TMEM178B: variants seen among roughly 807,000 people sequenced by gnomAD.
The protein encoded by TMEM178B is transmembrane protein 178B.
TMEM178B carries 5 observed loss-of-function variants against 31.0 expected under a neutral mutation model. The observed-to-expected ratio is 0.16, with a 90% confidence interval of 0.08 to 0.34. The LOEUF (loss-of-function observed/expected upper bound fraction) is 0.34. Ranked by LOEUF, TMEM178B falls within the 10% of genes least tolerant of loss-of-function variation. The probability of loss-of-function intolerance (pLI) is 1.00; values close to 1 mark genes in which losing one functional copy is unlikely to be tolerated. For synonymous variants in TMEM178B, 164 were observed against 164.0 expected, an observed-to-expected ratio of 1.00 and a Z score of 0.00; for missense variants, 275 against 400.3, an observed-to-expected ratio of 0.69 and a Z score of 2.67.
At chr7:141,429,331 A>G (rs907652473) in intron 2 of TMEM178B, among the ~76,000 whole-genome samples, 1 of 151,682 alleles carries the variant, frequency 6.6e-6, no homozygotes, top group Admixed American at 6.6e-5. Context: ...ACACACACAC[A>G]CACACACACT....
intron 2 of TMEM178B, among the ~76,000 whole-genome samples, chr7:141,233,512 C>T (rs957309069): frequency 7.2e-5 from 11 of 152,176 alleles, no homozygotes; most frequent in Non-Finnish European, 1.5e-4. Context: ...TTGGGCTACT[C>T]CTTCTCAGGG....
chr7:141,439,921 C>T (rs1357667862), intron 3 of TMEM178B, among the ~76,000 whole-genome samples: 1 of 152,244 alleles, frequency 6.6e-6, no homozygotes, highest in Non-Finnish European at 1.5e-5. Context: ...TTCCCTCTGG[C>T]CTGTTGAAGC....
intron 1 of TMEM178B, among the ~76,000 whole-genome samples, chr7:141,075,887 G>A (rs901916950): frequency 6.6e-6 from 1 of 152,190 alleles, no homozygotes; most frequent in Non-Finnish European, 1.5e-5. Context: ...ATGGATACAA[G>A]TGTGCAATTG....
intron 3 of TMEM178B, among the ~76,000 whole-genome samples, chr7:141,447,048 C>T (rs184633954): frequency 7.8e-4 from 119 of 152,144 alleles, no homozygotes; most frequent in Non-Finnish European, 1.4e-3. Flanking sequence ...TTTGTTTGCT[C>T]AATAAATACT....
At chr7:141,423,932 G>A (rs115363970) in intron 2 of TMEM178B, among the ~76,000 whole-genome samples, 19 of 149,344 alleles carry the variant, frequency 1.3e-4, no homozygotes, top group South Asian at 2.1e-4. Flanking sequence ...CCTTAGCCTC[G>A]CGAATAAGTG....
At chr7:141,114,992 G>T (rs971778154) in intron 1 of TMEM178B, among the ~76,000 whole-genome samples, 1 of 152,092 alleles carries the variant, frequency 6.6e-6, no homozygotes, top group Non-Finnish European at 1.5e-5. Flanking sequence ...TGGAGCTTGT[G>T]GACTAGATTG....
intron 2 of TMEM178B, among the ~76,000 whole-genome samples, chr7:141,275,045 A>G (rs891547261): frequency 1.3e-5 from 2 of 152,242 alleles, no homozygotes; most frequent in South Asian, 2.1e-4. Flanking sequence ...TAAAAATACT[A>G]TCAGAAAACT....
At chr7:141,159,461 A>G (rs1316614306) in intron 1 of TMEM178B, among the ~76,000 whole-genome samples, 1 of 152,348 alleles carries the variant, frequency 6.6e-6, no homozygotes, top group East Asian at 1.9e-4. Context: ...TACACCCCCC[A>G]GAATTGAAAG....
chr7:141,131,051 T>TGGAC (rs1795586509), intron 1 of TMEM178B, among the ~76,000 whole-genome samples: 1 of 152,230 alleles, frequency 6.6e-6, no homozygotes. Context: ...GTTCCTTGCC[T>TGGAC]GGACCTGGTA....
chr7:141,506,781 T>C, the TMEM178B span, among the ~76,000 whole-genome samples: 1 of 152,206 alleles, frequency 6.6e-6, no homozygotes, highest in Non-Finnish European at 1.5e-5. Context: ...AAGTCTCATC[T>C]GAGACAAGGC....
chr7:141,173,154 G>C (rs1221014242), intron 1 of TMEM178B: 1 of 152,186 alleles, frequency 6.6e-6, no homozygotes, highest in African/African-American at 2.4e-5. Flanking sequence ...ATCGTGTAAC[G>C]AATGGTGCAA....
chr7:141,274,057 A>G (rs1320342764), intron 2 of TMEM178B, among the ~76,000 whole-genome samples: 1 of 152,228 alleles, frequency 6.6e-6, no homozygotes, highest in African/African-American at 2.4e-5. Context: ...TTCCCCAGAT[A>G]TCATAATGAC....
intron 2 of TMEM178B, among the ~76,000 whole-genome samples, chr7:141,299,931 T>C (rs1397416263): frequency 1.3e-5 from 2 of 152,028 alleles, no homozygotes; most frequent in Non-Finnish European, 2.9e-5. Flanking sequence ...ACTGCAGACA[T>C]GTGTCATCAT....
the TMEM178B span, among the ~76,000 whole-genome samples, chr7:141,502,765 A>G: frequency 2.5e-5 from 2 of 81,240 alleles, no homozygotes; most frequent in African/African-American, 7.3e-5. Context: ...AGCGAAACTC[A>G]GTCTAAAAAA....
chr7:141,154,132 G>A (rs1171479799), intron 1 of TMEM178B, among the ~76,000 whole-genome samples: 2 of 152,210 alleles, frequency 1.3e-5, no homozygotes, highest in East Asian at 3.8e-4. Context: ...TTTTAAATGC[G>A]GTCAGCTGGG....
intron 2 of TMEM178B, among the ~76,000 whole-genome samples, chr7:141,243,598 ACT>A (rs1797678734): frequency 6.6e-6 from 1 of 151,458 alleles, no homozygotes; most frequent in African/African-American, 2.4e-5. Flanking sequence ...TTACCAGGTC[ACT>A]CTCCTCGCTG....
chr7:141,096,508 C>T (rs564064764), intron 1 of TMEM178B, among the ~76,000 whole-genome samples: 1 of 152,246 alleles, frequency 6.6e-6, no homozygotes, highest in East Asian at 1.9e-4. Flanking sequence ...AGTGACCTCC[C>T]CTGTGTTGGT....
intron 2 of TMEM178B, among the ~76,000 whole-genome samples, chr7:141,294,322 A>G (rs1798594785): frequency 6.6e-6 from 1 of 152,186 alleles, no homozygotes; most frequent in Non-Finnish European, 1.5e-5. Flanking sequence ...AATACAGAAA[A>G]GAGAACGCAG....
chr7:141,199,317 C>T lies in TMEM178B; in HGVS notation c.383-13274C>T, dbSNP rs182745524. 1.6e-3 allele frequency among the ~76,000 whole-genome samples: 244 copies of T among 152,274 alleles called. 3 individuals carry two copies. Among genetic ancestry groups the T allele is most frequent in the African/African-American group, 5.3e-3 (219 of 41,546 alleles). ...TTATAGGTTGCTGCAAAAGTAATTG[C>T]GGTTTCTGCCATTAGTAGTAATGGC... On this transcript the variant is annotated intron_variant, in intron 1 of 3. Transcript: ENST00000565468.
Sources: gnomAD v4.1 joint callset for allele counts (sites outside exome capture counted in the v4.1 genomes callset) on GRCh38, gnomAD v4.1.1 for gene constraint, MANE v1.5 for transcripts, NCBI Gene and HGNC (gene_info 2026-07-23, HGNC 2026-07-21) for gene names.